Variants in EYS observed in about 807,000 individuals in gnomAD.
The protein encoded by EYS is EGF-like photoreceptor maintenance factor.
In EYS, 250 loss-of-function variants were observed where a neutral mutation model predicts 282.1. The observed-to-expected ratio is 0.89, with a 90% CI of 0.80 to 0.98. The LOEUF is 0.98. Among genes scored for constraint, EYS ranks in the 50% least tolerant of loss-of-function variants. EYS has a pLI of 0.00. For synonymous variants in EYS, 1,355 were observed against 1,282.9 expected (o/e 1.06, Z -1.20); for missense variants, 4,016 against 3,709.0 (o/e 1.08, Z -2.15).
At chr6:64,578,665 C>T (rs907588921) in intron 26 of EYS, among the ~76,000 whole-genome samples, 1 of 151,700 alleles carries the variant, frequency 6.6e-6, no homozygotes, top group East Asian at 1.9e-4. Context: ...ATCTGTCTCT[C>T]TCCACTAGAA....
intron 28 of EYS, among the ~76,000 whole-genome samples, chr6:64,402,762 T>A (rs1773577158): frequency 6.6e-6 from 1 of 152,186 alleles, no homozygotes; most frequent in Non-Finnish European, 1.5e-5. Flanking sequence ...TAAAGATTAT[T>A]CTGGTTGATT....
chr6:65,282,399 C>T lies in EYS; in HGVS notation c.2023+13464G>A, dbSNP rs535889584. 6.6e-5 allele frequency among the ~76,000 whole-genome samples: 10 copies of T among 151,784 alleles called. No homozygotes were observed. The South Asian group carries it at 2.1e-3, about 32-fold the overall frequency. ...AAATTTCTAACAATATACTGAATAA[C>T]AAAATGAACTAAAATTAAATAAAAA... is the stretch of plus-strand genomic sequence containing the variant. On this transcript the variant is annotated intron_variant, in intron 12 of 42. Transcript: ENST00000503581.
At chr6:65,257,798 A>T (rs1306950400) in intron 12 of EYS, among the ~76,000 whole-genome samples, 1 of 152,036 alleles carries the variant, frequency 6.6e-6, no homozygotes, top group Non-Finnish European at 1.5e-5. Flanking sequence ...AAATGAAAAC[A>T]ATTGAATTCA....
At chr6:64,810,003 G>A (rs1292059712) in intron 22 of EYS, among the ~76,000 whole-genome samples, 2 of 151,908 alleles carry the variant, frequency 1.3e-5, no homozygotes, top group Non-Finnish European at 2.9e-5. Flanking sequence ...AAAAAAGGAA[G>A]CAAAAAAATT....
chr6:65,504,162 A>C (rs1268490772), intron 2 of EYS, among the ~76,000 whole-genome samples: 1 of 151,652 alleles, frequency 6.6e-6, no homozygotes, highest in Non-Finnish European at 1.5e-5. Context: ...AGGTCAGTAC[A>C]TAGTTTTGTA....
At chr6:64,251,951 A>C (rs1014676935) in intron 30 of EYS, among the ~76,000 whole-genome samples, 2 of 152,160 alleles carry the variant, frequency 1.3e-5, no homozygotes, top group African/African-American at 4.8e-5. Flanking sequence ...AAGGTGGAAA[A>C]GGTTATTCTA....
intron 5 of EYS, among the ~76,000 whole-genome samples, chr6:65,448,613 A>G (rs1235263500): frequency 6.6e-6 from 1 of 152,026 alleles, no homozygotes; most frequent in Non-Finnish European, 1.5e-5. Context: ...GTTCATTGGC[A>G]CACACACTCA....
At chr6:64,493,913 G>T (rs1776810830) in intron 26 of EYS, among the ~76,000 whole-genome samples, 1 of 151,536 alleles carries the variant, frequency 6.6e-6, no homozygotes, top group Admixed American at 6.6e-5. Context: ...CCCAATACAT[G>T]GGTCCCATAC....
chr6:65,429,237 T>C (rs928662395), intron 5 of EYS, among the ~76,000 whole-genome samples: 1 of 152,004 alleles, frequency 6.6e-6, no homozygotes, highest in South Asian at 2.1e-4. Flanking sequence ...GAAGAGAAAT[T>C]ACCAGGGGCC....
At chr6:65,459,953 G>A (rs1235154039) in intron 5 of EYS, among the ~76,000 whole-genome samples, 1 of 123,058 alleles carries the variant, frequency 8.1e-6, no homozygotes, top group Non-Finnish European at 1.7e-5. Context: ...GTGTGTGTGT[G>A]TGTGTTTGTG....
intron 9 of EYS, 147 bp from the exon 10 acceptor site, chr6:65,344,324 A>C: frequency 2.9e-6 from 2 of 678,042 alleles, no homozygotes; most frequent in Non-Finnish European, 5.1e-6. Context: ...TATGATATTG[A>C]ATTTGAAGAA....
chr6:63,980,531 C>T (rs894127839), intron 35 of EYS, among the ~76,000 whole-genome samples: 1 of 151,768 alleles, frequency 6.6e-6, no homozygotes, highest in East Asian at 1.9e-4. Context: ...TTATTCTGAA[C>T]ATAAACAGTC....
chr6:63,886,970 A>G (rs1287635046), intron 35 of EYS, among the ~76,000 whole-genome samples: 11 of 152,240 alleles, frequency 7.2e-5, no homozygotes, highest in Admixed American at 6.5e-4. Context: ...CTAATGGAAT[A>G]TAATTAAGCA....
chr6:63,763,450 TC>T (rs1181674593), intron 40 of EYS, among the ~76,000 whole-genome samples: 1 of 151,968 alleles, frequency 6.6e-6, no homozygotes, highest in Non-Finnish European at 1.5e-5. Flanking sequence ...TTTGGCTGTG[TC>T]CCCACCCAAA....
At chr6:64,504,568 C>T (rs982667582) in intron 26 of EYS, among the ~76,000 whole-genome samples, 3 of 152,142 alleles carry the variant, frequency 2.0e-5, no homozygotes, top group Non-Finnish European at 4.4e-5. Flanking sequence ...TGTCAAGTCA[C>T]AGAAAGATAT....
intron 22 of EYS, among the ~76,000 whole-genome samples, chr6:64,628,111 C>G (rs1931845): frequency 0.92 from 139,956 of 151,372 alleles, 65,326 homozygotes; most frequent in Non-Finnish European, 0.99. Context: ...AACAAACAAA[C>G]AAAGACTTGT....
At chr6:63,795,872 A>T (rs761262791) in intron 37 of EYS, among the ~76,000 whole-genome samples, 3 of 152,138 alleles carry the variant, frequency 2.0e-5, no homozygotes, top group Non-Finnish European at 4.4e-5. Context: ...TAACAAGGAG[A>T]GAAAATTGTC....
chr6:64,216,496 A>C (rs1765932272), intron 31 of EYS, among the ~76,000 whole-genome samples: 1 of 152,210 alleles, frequency 6.6e-6, no homozygotes, highest in Non-Finnish European at 1.5e-5. Flanking sequence ...TCAAGTGGTC[A>C]TAGGGGGATA....
chr6:64,023,360 C>T (rs994536201), intron 33 of EYS, among the ~76,000 whole-genome samples: 1 of 152,198 alleles, frequency 6.6e-6, no homozygotes, highest in African/African-American at 2.4e-5. Flanking sequence ...GCATATGCAT[C>T]TGGGGTGGAA....
Sources: allele counts gnomAD v4.1 joint callset (sites outside exome capture counted in the v4.1 genomes callset), GRCh38; gene constraint gnomAD v4.1.1; transcripts MANE v1.5; gene names NCBI Gene and HGNC (gene_info 2026-07-23, HGNC 2026-07-21).